POMT1: variants seen among roughly 807,000 people sequenced by gnomAD.
POMT1 encodes the protein protein O-mannosyl-transferase 1.
Under a neutral mutation model 101.6 loss-of-function variants are expected in POMT1, and 85 were observed. The ratio of observed to expected loss-of-function variants is 0.84; its 90% confidence interval spans 0.70 to 1.00. The LOEUF is 1.00. Ranked by LOEUF, POMT1 falls within the 50% of genes least tolerant of loss-of-function variation. POMT1 has a pLI of 0.00. For missense variants in POMT1, 857 were observed against 930.4 expected (o/e 0.92, Z 1.03); for synonymous variants, 371 against 383.0 (o/e 0.97, Z 0.37).
chr9:131,507,104 G>T (rs1946026832), intron 4 of POMT1, among the ~76,000 whole-genome samples: 1 of 151,964 alleles, frequency 6.6e-6, no homozygotes, highest in East Asian at 1.9e-4. Flanking sequence ...AACAGGGAGG[G>T]TAAATATGTA....
chr9:131,510,470 A>C, intron 9 of POMT1, 55 bp downstream of exon 9: 1 of 1,558,252 alleles, frequency 6.4e-7, no homozygotes, highest in Non-Finnish European at 8.8e-7. Context: ...TAGTGGACCC[A>C]GAGTTTTCTT....
intron 17 of POMT1, among the ~76,000 whole-genome samples, chr9:131,520,683 G>A (rs1949740549): frequency 6.6e-6 from 1 of 152,230 alleles, no homozygotes; most frequent in Non-Finnish European, 1.5e-5. Flanking sequence ...GTGCACTGAA[G>A]GCAGAGGCTC....
At position 131,509,279 on chromosome 9, in the gene POMT1, T is replaced by G. The variant is rs140475258; in HGVS notation, c.539+257T>G. On this transcript the variant is annotated intron_variant, in intron 6 of 19. Transcript: ENST00000402686. The stretch of plus-strand genomic sequence containing the variant: ...AATTCTCCAGCCTCAGTCTCCCGAG[T>G]AGCTGAGATTACAGGCACACAGCAC... 2.0e-4 allele frequency among the ~76,000 whole-genome samples: 30 copies of G among 152,202 alleles called. No homozygotes were observed. The East Asian group carries it at 5.8e-3, about 29-fold the overall frequency.
chr9:131,515,307 C>G, intron 12 of POMT1, 119 bp from the exon 13 acceptor site: 2 of 992,222 alleles, frequency 2.0e-6, no homozygotes, highest in Non-Finnish European at 3.2e-6. Flanking sequence ...ACTGGGCCAC[C>G]CCTTATGGCT....
Position 131,509,716 on chromosome 9 carries a change from T to C in POMT1, c.540-27T>C, listed in dbSNP as rs374968099. On this transcript the variant is annotated intron_variant, in intron 6 of 19. Coordinates refer to ENST00000402686, the MANE Select transcript of POMT1 (RefSeq NM_001077365.2). ...TGGAAATGTGTCTGAACTATTTCTGTCTCCATCTGCTTTGTTTTTATTCCA... is the reference window on the plus strand; with the variant it reads ...TGGAAATGTGTCTGAACTATTTCTGCCTCCATCTGCTTTGTTTTTATTCCA... 48 of 1,614,240 alleles carry C rather than the reference T, an allele frequency of 3.0e-5. No homozygotes were observed. The African/African-American group carries it at 5.7e-4, about 19-fold the overall frequency.
chr9:131,510,085 T>TTCCTCCCTCTCCCTCTCCCTCTCCCTCTC (rs767523568), intron 8 of POMT1, 89 bp downstream of exon 8: 2 of 1,614,024 alleles, frequency 1.2e-6, no homozygotes, highest in Admixed American at 3.3e-5. Context: ...AAGACTCCAA[T>TTCCTCCCTCTCCCTCTCCCTCTCCCTCTC]CCTCAATGTT....
chr9:131,507,257 G>T, intron 4 of POMT1, 111 bp from the exon 5 acceptor site: 2 of 1,541,370 alleles, frequency 1.3e-6, no homozygotes, highest in Non-Finnish European at 8.9e-7. Context: ...TTTTGTAAAC[G>T]TGCATTTTAG....
At chr9:131,521,997 C>G in intron 18 of POMT1, 50 bp from the exon 19 acceptor site, 1 of 1,611,464 alleles carries the variant, frequency 6.2e-7, no homozygotes, top group Non-Finnish European at 8.5e-7. Flanking sequence ...GAGAGAAGAC[C>G]CGGCCTGTGG....
intron 6 of POMT1, 149 bp downstream of exon 6, chr9:131,509,171 T>C (rs1321156613): frequency 5.8e-6 from 4 of 687,370 alleles, no homozygotes; most frequent in Non-Finnish European, 1.0e-5. Context: ...ATCTTTTTTT[T>C]TGAGACGGAG....
At chr9:131,510,133 C>T in intron 8 of POMT1, 127 bp from the exon 9 acceptor site, 1 of 1,610,900 alleles carries the variant, frequency 6.2e-7, no homozygotes, top group African/African-American at 1.3e-5. Context: ...CGCCTCTTGG[C>T]CTCTGCAGGT....
chr9:131,522,059 G>T lies in POMT1; in HGVS notation c.1838G>T (p.Arg613Leu). The change falls in exon 19 of 20, where the codon CGC (arginine) becomes CTC (leucine). Residue 613 changes from arginine (R) to leucine (L), a missense_variant. By Grantham distance (102) the Arg-to-Leu change is moderately radical. Transcript: ENST00000402686. The surrounding 1 kb of genome is among the most constrained non-coding windows in gnomAD (Gnocchi z 5.5). ...CCCTTTCCTATAGATGCCTGGCTGC[G>T]CTGGGTGCTGGCTGGGGCGCTGTGT... ...VHDLPQDAWL[R>L]WVLAGALCAG... 6.2e-7 allele frequency: 1 copy of T among 1,614,060 alleles called. No individual in the cohort carries two copies. The highest frequency in any genetic ancestry group is 1.3e-5 in the African/African-American group (1 of 75,054).
intron 2 of POMT1, 61 bp downstream of exon 2, chr9:131,504,401 C>T (rs1351364042): frequency 2.5e-6 from 4 of 1,612,748 alleles, no homozygotes; most frequent in Non-Finnish European, 2.5e-6. Context: ...ACAGGAGGCG[C>T]CCTTACTGAA....
Position 131,509,663 on chromosome 9 carries a change from T to G in POMT1, c.540-80T>G, listed in dbSNP as rs1392257535. ...GCCAGCCGACCCAGAAAGATTTCTC[T>G]GAAGAATGTGGAGCTTCACTAGCCT... On this transcript the variant is annotated intron_variant, in intron 6 of 19. Transcript: ENST00000402686. The G allele has an allele frequency of 1.9e-6, 3 of 1,612,930 alleles. No individual in the cohort carries two copies. In the Admixed American group the frequency reaches 5.0e-5, roughly 27 times the overall value.
At chr9:131,511,634 C>A in intron 10 of POMT1, 167 bp downstream of exon 10, 3 of 930,432 alleles carry the variant, frequency 3.2e-6, no homozygotes, top group Non-Finnish European at 3.3e-6. Context: ...CCGGGTGTTG[C>A]TGGAGGGACT....
At chr9:131,507,589 G>A in intron 5 of POMT1, 75 bp downstream of exon 5, 1 of 1,594,024 alleles carries the variant, frequency 6.3e-7, no homozygotes, top group Non-Finnish European at 8.6e-7. Flanking sequence ...AGATCACATG[G>A]GCTTGGTGGG....
At chr9:131,511,687 G>A (rs1005049230) in intron 10 of POMT1, 8 of 615,996 alleles carry the variant, frequency 1.3e-5, no homozygotes, top group Non-Finnish European at 2.3e-5. Flanking sequence ...CTCTGTGGCT[G>A]TGGCTGACCT....
intron 13 of POMT1, 97 bp from the exon 14 acceptor site, chr9:131,518,348 G>A: frequency 9.5e-7 from 1 of 1,056,216 alleles, no homozygotes; most frequent in African/African-American, 1.6e-5. Context: ...TTTGTCTCAG[G>A]CTCAAGTCAG....
Position 131,504,250 on chromosome 9 carries a change from T to G in POMT1, c.32T>G (p.Val11Gly). The change falls in exon 2 of 20, where the codon GTG becomes GGG. Residue 11 changes from valine (V) to glycine (G), a missense_variant. Coordinates refer to ENST00000402686, the MANE Select transcript of POMT1 (RefSeq NM_001077365.2). ...GGATTTTTGAAGCGCCCTGTAGTGG[T>G]GACGGCTGACATCAACTTGAGCCTT... MWGFLKRPVV[V>G]TADINLSLVA... The G allele has an allele frequency of 1.2e-6, 2 of 1,614,174 alleles. No homozygotes were observed. Among genetic ancestry groups the G allele is most frequent in the Non-Finnish European group, 1.7e-6 (2 of 1,180,030 alleles).
At chr9:131,505,220 T>G (rs1945519113) in intron 2 of POMT1, among the ~76,000 whole-genome samples, 1 of 151,586 alleles carries the variant, frequency 6.6e-6, no homozygotes, top group Admixed American at 6.6e-5. Context: ...GCCAGGCCCC[T>G]CCCTGCAGTG....
Sources: gnomAD v4.1 joint callset for allele counts (sites outside exome capture counted in the v4.1 genomes callset) on GRCh38, gnomAD v4.1.1 for gene constraint, Gnocchi (gnomAD v3.1) non-coding constraint, MANE v1.5 for transcripts, NCBI Gene and HGNC (gene_info 2026-07-23, HGNC 2026-07-21) for gene names.